U2SURP: variants seen among roughly 807,000 people sequenced by gnomAD.
U2SURP encodes the protein U2 snRNP associated SURP domain containing.
Under a neutral mutation model 144.9 loss-of-function variants are expected in U2SURP, and 9 were observed. That is an observed-to-expected ratio of 0.06 (90% CI 0.04 to 0.11). The LOEUF is 0.11. U2SURP is among the 10% of genes least tolerant of loss of function. The pLI, the probability that U2SURP is intolerant of heterozygous loss-of-function variation, is 1.00. For synonymous variants in U2SURP, 408 were observed against 396.8 expected (o/e 1.03, Z -0.33); for missense variants, 724 against 1,226.7 (o/e 0.59, Z 6.12).
At position 143,037,267 on chromosome 3, in the gene U2SURP, C is replaced by G. The variant is rs764460579; in HGVS notation, c.2153C>G (p.Ala718Gly). Residue 718 changes from alanine (A) to glycine (G), a missense_variant, in exon 21 of 28, where the codon GCT becomes GGT. Physicochemically the swap from Ala to Gly is moderately conservative, Grantham distance 60. Coordinates refer to ENST00000473835, the MANE Select transcript of U2SURP (RefSeq NM_001080415.2). ...LEDVDGIPID[A>G]TPIDDLDGVP... ...GATGTAGATGGAATTCCTATTGATG[C>G]TACTCCCATCGATGATCTTGATGGA... 1 of 1,612,394 alleles carries G rather than the reference C, an allele frequency of 6.2e-7. No homozygotes were observed. The highest frequency in any genetic ancestry group is 2.2e-5 in the East Asian group (1 of 44,870).
At chr3:143,029,353 CATT>C (rs1361242749) in intron 16 of U2SURP, among the ~76,000 whole-genome samples, 22 of 152,294 alleles carry the variant, frequency 1.4e-4, no homozygotes, top group Non-Finnish European at 2.4e-4. Flanking sequence ...AATCTGTTGT[CATT>C]ATTTTTCGAA....
chr3:143,023,283 C>T, intron 12 of U2SURP: 1 of 467,762 alleles, frequency 2.1e-6, no homozygotes, highest in Non-Finnish European at 3.7e-6. Context: ...TTTTTGACCA[C>T]TTGTTAAGTT....
chr3:143,022,405 CTTTTTATTTTGTAAA>C lies in U2SURP; in HGVS notation c.853-91_853-77del, dbSNP rs752265479. 1.1e-4 allele frequency: 143 copies of C among 1,285,154 alleles called. 1 individual carries two copies. Among genetic ancestry groups the C allele is most frequent in the Non-Finnish European group, 1.3e-4 (128 of 963,030 alleles). The allele number at this position is 1,285,154 out of a possible 1,614,324, so 79.6% of individuals were successfully genotyped here. On this transcript the variant is annotated intron_variant, in intron 10 of 27. Coordinates refer to ENST00000473835, the MANE Select transcript of U2SURP (RefSeq NM_001080415.2). ...AAAATTGAAGCACGTTGCTATGTTG[CTTTTTATTTTGTAAA>C]AACTACTTTGTTTTCTGAAAATAAT... is the stretch of plus-strand genomic sequence containing the variant.
intron 1 of U2SURP, 93 bp from the exon 2 acceptor site, chr3:143,010,722 G>T: frequency 1.1e-6 from 1 of 932,352 alleles, no homozygotes; most frequent in Non-Finnish European, 1.5e-6. Flanking sequence ...ATTGCCAGAA[G>T]TTAGGAAACT....
rs755130506 is a variant in U2SURP at position 143,036,014 on chromosome 3, A to G, written c.1974A>G (p.Glu658=). 7 of 1,609,794 alleles carry G rather than the reference A, an allele frequency of 4.3e-6. No homozygotes were observed. The East Asian group carries it at 1.3e-4, about 31-fold the overall frequency. The change falls in exon 20 of 28, where the codon GAA becomes GAG. Residue 658 remains glutamate, a synonymous_variant. Coordinates refer to ENST00000473835, the MANE Select transcript of U2SURP (RefSeq NM_001080415.2). ...QRVMTCFRAW[E]DWAIYPEPFL... ...TAATGACTTGCTTCAGAGCATGGGA[A>G]GATTGGGCAATTTATCCAGAACCAT...
intron 1 of U2SURP, among the ~76,000 whole-genome samples, chr3:143,004,659 TTATGTA>T (rs1935743586): frequency 6.7e-6 from 1 of 149,212 alleles, no homozygotes; most frequent in Non-Finnish European, 1.5e-5. Context: ...AAATGATACT[TTATGTA>T]TGTGTATGTA....
At chr3:143,015,402 T>C (rs1432006870) in intron 4 of U2SURP, among the ~76,000 whole-genome samples, 1 of 150,310 alleles carries the variant, frequency 6.7e-6, no homozygotes, top group Non-Finnish European at 1.5e-5. Flanking sequence ...CAATCAGATT[T>C]ATCAGTCTTT....
chr3:143,032,379 C>T (rs2108294721), intron 16 of U2SURP, among the ~76,000 whole-genome samples: 1 of 152,234 alleles, frequency 6.6e-6, no homozygotes, highest in East Asian at 1.9e-4. Context: ...CCAGTCTTTT[C>T]CTTTACAGAA....
chr3:143,004,577 C>CA lies in U2SURP; in HGVS notation c.45+2904_45+2905insA, dbSNP rs1244525111. ...TGTTGGCCTCTTGACCTTGTGACCC[C>CA]CCCCCCCCGCCTCGGCCTCCCAAAG... On this transcript the variant is annotated intron_variant, in intron 1 of 27. Transcript: ENST00000473835. Among the ~76,000 whole-genome samples, 13 of 76,960 alleles carry CA rather than the reference C, an allele frequency of 1.7e-4. 2 individuals are homozygous for CA. In the East Asian group the frequency reaches 5.4e-3, roughly 32 times the overall value. 50.5% of individuals were successfully genotyped at this position (76,960 alleles called of 152,430 possible). A position where few individuals can be genotyped will look rare whatever the true frequency, so the allele number is the denominator to read the frequency against.
rs1234096781 is a variant in U2SURP at position 143,056,747 on chromosome 3, A to T, written c.*297A>T. Reference sequence around the variant, plus strand: ...GACAGTAGTAGTATTTTGTTTTAGGATGTTGTGACTTAGCAAAAATAATAC... The same window carrying T: ...GACAGTAGTAGTATTTTGTTTTAGGTTGTTGTGACTTAGCAAAAATAATAC... On this transcript the variant is annotated 3_prime_UTR_variant, in exon 28 of 28. Coordinates refer to ENST00000473835, the MANE Select transcript of U2SURP (RefSeq NM_001080415.2). 4.4e-6 allele frequency: 1 copy of T among 225,152 alleles called. No homozygotes were observed. Among genetic ancestry groups the T allele is most frequent in the African/African-American group, 2.3e-5 (1 of 44,192 alleles). 13.9% of individuals were successfully genotyped at this position (225,152 alleles called of 1,614,324 possible).
At chr3:143,026,691 T>C (rs1289028976) in intron 13 of U2SURP, 1 of 152,196 alleles carries the variant, frequency 6.6e-6, no homozygotes, top group Non-Finnish European at 1.5e-5. Flanking sequence ...GGTTATAACA[T>C]TTCAGTAGCA....
intron 1 of U2SURP, among the ~76,000 whole-genome samples, chr3:143,002,752 CTGTT>C (rs1298636512): frequency 6.6e-6 from 1 of 152,190 alleles, no homozygotes; most frequent in Non-Finnish European, 1.5e-5. Context: ...TCTAATCCGA[CTGTT>C]TATGCCATTT....
At chr3:143,042,356 ACT>A (rs369699015) in intron 23 of U2SURP, among the ~76,000 whole-genome samples, 14 of 152,052 alleles carry the variant, frequency 9.2e-5, no homozygotes, top group Admixed American at 3.3e-4. Context: ...TTTCTTAGTA[ACT>A]CTGTGACTCA....
In U2SURP at chr3:143,012,325, G is replaced by T; in HGVS notation, c.194G>T (p.Cys65Phe). ...AATGAAAGTGCCCGTGAAAGCCTTT[G>T]TGATTCTCCTCATCAGAATCTCTCA... is the stretch of plus-strand genomic sequence containing the variant. ...YRNESARESLCDSPHQNLSRP... is the reference protein window; with the variant it reads ...YRNESARESLFDSPHQNLSRP... Residue 65 changes from cysteine (C) to phenylalanine (F), a missense_variant, in exon 3 of 28, where the codon TGT (cysteine) becomes TTT (phenylalanine). Cys to Phe is a radical substitution (Grantham distance 205). Transcript: ENST00000473835. 1 of 1,612,532 alleles carries T rather than the reference G, an allele frequency of 6.2e-7. No individual in the cohort carries two copies. Among genetic ancestry groups the T allele is most frequent in the African/African-American group, 1.3e-5 (1 of 75,012 alleles).
intron 18 of U2SURP, 130 bp downstream of exon 18, chr3:143,033,480 C>T (rs1933622329): frequency 1.8e-6 from 1 of 560,164 alleles, no homozygotes; most frequent in Non-Finnish European, 3.1e-6. Flanking sequence ...TCTGTGGGTT[C>T]CTTATCCATG....
chr3:143,020,105 TA>T, intron 7 of U2SURP, 69 bp downstream of exon 7: 1 of 966,926 alleles, frequency 1.0e-6, no homozygotes, highest in Non-Finnish European at 1.5e-6. Context: ...GATGCAAGTA[TA>T]AAGAATATAC....
intron 6 of U2SURP, among the ~76,000 whole-genome samples, chr3:143,019,713 C>CTG (rs1936541899): frequency 6.6e-6 from 1 of 152,116 alleles, no homozygotes; most frequent in Non-Finnish European, 1.5e-5. Flanking sequence ...CATGGCAGTT[C>CTG]AGTTACTTCA....
intron 13 of U2SURP, chr3:143,025,703 T>C (rs1007679128): frequency 4.6e-5 from 7 of 152,180 alleles, no homozygotes; most frequent in Non-Finnish European, 1.0e-4. Flanking sequence ...TTTTTTGTTT[T>C]GACAATTTGA....
At position 143,059,952 on chromosome 3, in the gene U2SURP, C is replaced by T. The variant is rs1469785707; in HGVS notation, c.*3502C>T. Reference sequence around the variant, plus strand: ...ACTTAAAATTTTTGTTACCAACTTCCTAGGACTTAGATAATATATAAATAA... The same window carrying T: ...ACTTAAAATTTTTGTTACCAACTTCTTAGGACTTAGATAATATATAAATAA... On this transcript the variant is annotated 3_prime_UTR_variant, in exon 28 of 28. Coordinates refer to ENST00000473835, the MANE Select transcript of U2SURP (RefSeq NM_001080415.2). 6.6e-6 allele frequency: 1 copy of T among 152,208 alleles called. No individual in the cohort carries two copies. Among genetic ancestry groups the T allele is most frequent in the Admixed American group, 6.6e-5 (1 of 15,204 alleles). 9.4% of individuals were successfully genotyped at this position (152,208 alleles called of 1,614,324 possible).
Sources: allele counts gnomAD v4.1 joint callset (sites outside exome capture counted in the v4.1 genomes callset), GRCh38; gene constraint gnomAD v4.1.1; transcripts MANE v1.5; gene names NCBI Gene and HGNC (gene_info 2026-07-23, HGNC 2026-07-21).